The following AHRR variants were observed in gnomAD, a reference collection of about 807,000 sequenced individuals.
AHRR encodes the protein aryl hydrocarbon receptor repressor.
A neutral mutation model predicts 44.0 loss-of-function variants in AHRR; 28 were observed. The ratio of observed to expected loss-of-function variants is 0.64; its 90% CI spans 0.47 to 0.87. The LOEUF is 0.87. Among genes scored for constraint, AHRR ranks in the 40% least tolerant of loss-of-function variants. AHRR has a pLI of 0.00. For synonymous variants in AHRR, 434 were observed against 407.0 expected (o/e 1.07, Z -0.80); for missense variants, 990 against 953.9 (o/e 1.04, Z -0.50).
At chr5:353,936 T>C (rs2013782) in intron 3 of AHRR, 25 bp downstream of exon 3, 961,080 of 1,594,614 alleles carry the variant, frequency 0.6, 293,110 homozygotes, top group Non-Finnish European at 0.62. Context: ...TGCTCCCACC[T>C]GTTCACTTGA....
At position 413,324 on chromosome 5, in the gene AHRR, TG is replaced by T. The variant is rs767700161; in HGVS notation, c.352-19del. 147 of 1,491,936 alleles carry T rather than the reference TG, an allele frequency of 9.9e-5. 1 individual carries two copies. The African/African-American group carries it at 1.7e-3, about 18-fold the overall frequency. The allele number at this position is 1,491,936 out of a possible 1,614,324, so 92.4% of individuals were successfully genotyped here. A position where few individuals can be genotyped will look rare whatever the true frequency, so the allele number is the denominator to read the frequency against. ...GGTGAGCCAATTCGATTTTTTTTTTTGTTTTGTTTTTTCTTCTAGTCTCTTA... is the reference window on the plus strand; with the variant it reads ...GGTGAGCCAATTCGATTTTTTTTTTTTTTTGTTTTTTCTTCTAGTCTCTTA... On this transcript the variant is annotated intron_variant, in intron 4 of 10. Transcript: ENST00000684583.
At chr5:426,246 G>A (rs1219154603) in intron 7 of AHRR, among the ~76,000 whole-genome samples, 1 of 152,170 alleles carries the variant, frequency 6.6e-6, no homozygotes, top group Non-Finnish European at 1.5e-5. Flanking sequence ...GGATAGATGG[G>A]AAGATGGATG....
intron 1 of AHRR, among the ~76,000 whole-genome samples, chr5:328,692 C>A (rs7712269): frequency 6.6e-6 from 1 of 151,976 alleles, no homozygotes; most frequent in Admixed American, 6.6e-5. Flanking sequence ...TAAAAACTGT[C>A]TATTCATGTC....
In AHRR at chr5:406,074, A is replaced by C. The variant is rs550682376; in HGVS notation, c.352-7270A>C. ...ACCCGAAAAAGGTAGAAATTCTGCA[A>C]CAAAATTAACTGGGGAAAAAAAAAC... On this transcript the variant is annotated intron_variant, in intron 4 of 10. Transcript: ENST00000684583. The surrounding 1 kb of genome is among the most constrained non-coding windows in gnomAD (Gnocchi z 4.7). 6.6e-6 allele frequency among the ~76,000 whole-genome samples: 1 copy of C among 152,250 alleles called. No individual in the cohort carries two copies. Among genetic ancestry groups the C allele is most frequent in the Non-Finnish European group, 1.5e-5 (1 of 68,042 alleles).
At chr5:427,336 G>A (rs1205662346) in intron 7 of AHRR, among the ~76,000 whole-genome samples, 3 of 152,196 alleles carry the variant, frequency 2.0e-5, no homozygotes, top group Non-Finnish European at 2.9e-5. Context: ...AAATCAAGTC[G>A]TGCCTAAATT....
Position 398,164 on chromosome 5 carries a change from C to T in AHRR, c.352-15180C>T, listed in dbSNP as rs1043572918. Reference sequence around the variant, plus strand: ...GTTAGCCCCTGACCATCCACGTAGCCCCTGACCATCCACGTAGCTCCTGAC... The same window carrying T: ...GTTAGCCCCTGACCATCCACGTAGCTCCTGACCATCCACGTAGCTCCTGAC... On this transcript the variant is annotated intron_variant, in intron 4 of 10. Coordinates refer to ENST00000684583, the MANE Select transcript of AHRR (RefSeq NM_001377236.1). Among the ~76,000 whole-genome samples, 173 of 130,500 alleles carry T rather than the reference C, an allele frequency of 1.3e-3. 1 individual carries two copies. The highest frequency in any genetic ancestry group is 4.5e-3 in the African/African-American group (128 of 28,314). The allele number at this position is 130,500 out of a possible 152,430, so 85.6% of individuals were successfully genotyped here. A position where few individuals can be genotyped will look rare whatever the true frequency, so the allele number is the denominator to read the frequency against.
chr5:327,682 T>A (rs1197121509), intron 1 of AHRR, among the ~76,000 whole-genome samples: 1 of 152,240 alleles, frequency 6.6e-6, no homozygotes, highest in Non-Finnish European at 1.5e-5. Context: ...GCAATAAACA[T>A]ATGAGTGCAG....
chr5:324,256 C>T (rs976321816), intron 1 of AHRR, among the ~76,000 whole-genome samples: 1 of 151,086 alleles, frequency 6.6e-6, no homozygotes, highest in East Asian at 2.0e-4. Flanking sequence ...GACAGGGTTT[C>T]ACTGTCTCTA....
intron 4 of AHRR, among the ~76,000 whole-genome samples, chr5:380,149 G>C (rs1264105672): frequency 6.6e-6 from 1 of 152,068 alleles, no homozygotes; most frequent in African/African-American, 2.4e-5. Context: ...GTATTTTTGT[G>C]GATCTGTTTC....
chr5:346,868 T>C (rs905421007), intron 2 of AHRR, among the ~76,000 whole-genome samples: 2 of 152,186 alleles, frequency 1.3e-5, no homozygotes, highest in African/African-American at 4.8e-5. Context: ...AAGCCCTTTG[T>C]CTCCGCCTCC....
chr5:376,559 T>TGAATGAATGAGAACCGC (rs1423034523), intron 3 of AHRR, 51 bp from the exon 4 acceptor site: 3 of 243,016 alleles, frequency 1.2e-5, no homozygotes, highest in Admixed American at 8.9e-5. Flanking sequence ...TGAAGAAGAG[T>TGAATGAATGAGAACCGC]GGCCAGGCCA....
rs531794232 is a variant in AHRR at position 392,446 on chromosome 5, C to T, written c.351+15730C>T. The stretch of plus-strand genomic sequence containing the variant: ...ACACACGGGTGCAGGGCGAGGCAGG[C>T]GCAGGGCGAGGCAGGGCCAGAGTGT... On this transcript the variant is annotated intron_variant, in intron 4 of 10. Transcript: ENST00000684583. Among the ~76,000 whole-genome samples the T allele has an allele frequency of 2.7e-5, 4 of 149,428 alleles. No homozygotes were observed. In the East Asian group the frequency reaches 6.0e-4, roughly 22 times the overall value.
intron 3 of AHRR, among the ~76,000 whole-genome samples, chr5:371,564 CCT>C (rs1162986806): frequency 2.0e-5 from 3 of 152,190 alleles, no homozygotes; most frequent in East Asian, 1.9e-4. Context: ...CGGGTAAGCC[CCT>C]GTGTGTCCCA....
intron 2 of AHRR, among the ~76,000 whole-genome samples, chr5:346,145 G>C (rs994714037): frequency 2.0e-5 from 3 of 152,224 alleles, no homozygotes; most frequent in African/African-American, 7.2e-5. Flanking sequence ...ACAAGCTCTA[G>C]CGGGGGACGG....
At chr5:349,305 C>T (rs996713261) in intron 2 of AHRR, among the ~76,000 whole-genome samples, 7 of 152,272 alleles carry the variant, frequency 4.6e-5, no homozygotes, top group South Asian at 4.1e-4. Context: ...TGGCTGGGCG[C>T]GGTGGCTCAC....
intron 4 of AHRR, among the ~76,000 whole-genome samples, chr5:409,777 A>T (rs929928092): frequency 1.3e-5 from 2 of 152,042 alleles, no homozygotes; most frequent in Admixed American, 1.3e-4. Context: ...TGGCATTTTA[A>T]AATAAAGCCC....
rs562367675 is a variant in AHRR, at chr5:352,239, G to A, written c.63-1491G>A. Among the ~76,000 whole-genome samples the A allele has an allele frequency of 9.2e-5, 14 of 152,358 alleles. No homozygotes were observed. The East Asian group carries it at 1.3e-3, about 15-fold the overall frequency. On this transcript the variant is annotated intron_variant, in intron 2 of 10. Transcript: ENST00000684583. ...CACTGTGAGGTTAAATGGGTTAGCC[G>A]TAGGGGATGGTCACTCTGAGGTTAA...
rs1254656720 is a variant in AHRR, at chr5:388,287, C to G, written c.351+11571C>G. Among the ~76,000 whole-genome samples the G allele has an allele frequency of 6.6e-6, 1 of 152,258 alleles. No homozygotes were observed. The highest frequency in any genetic ancestry group is 1.9e-4 in the East Asian group (1 of 5,198). ...CCTCCCCCCGTCCCGAACCCAAGCC[C>G]TGAACTGCTGTCGTACACAGGGCTC... is the stretch of plus-strand genomic sequence containing the variant. On this transcript the variant is annotated intron_variant, in intron 4 of 10. Coordinates refer to ENST00000684583, the MANE Select transcript of AHRR (RefSeq NM_001377236.1). The surrounding 1 kb of genome is among the most constrained non-coding windows in gnomAD (Gnocchi z 5.2).
At chr5:415,243 A>G (rs1017766790) in intron 5 of AHRR, among the ~76,000 whole-genome samples, 1 of 152,236 alleles carries the variant, frequency 6.6e-6, no homozygotes, top group Non-Finnish European at 1.5e-5. Context: ...AGGGTCCCAG[A>G]GCCAGCATTC....
Sources: allele counts gnomAD v4.1 joint callset (sites outside exome capture counted in the v4.1 genomes callset), GRCh38; gene constraint gnomAD v4.1.1; non-coding constraint Gnocchi (gnomAD v3.1); transcripts MANE v1.5; gene names NCBI Gene and HGNC (gene_info 2026-07-23, HGNC 2026-07-21).